Variants in INPP5D observed in about 807,000 individuals in gnomAD.
INPP5D encodes inositol polyphosphate-5-phosphatase D, also known as phosphatidylinositol 3,4,5-trisphosphate 5-phosphatase 1.
In INPP5D, 33 loss-of-function variants were observed where a neutral mutation model predicts 122.9. The observed-to-expected ratio is 0.27, with a 90% CI of 0.20 to 0.36. The LOEUF is 0.36. Ranked by LOEUF, INPP5D falls within the 10% of genes least tolerant of loss-of-function variation. The pLI, the probability that INPP5D is intolerant of heterozygous loss-of-function variation, is 1.00. For synonymous variants in INPP5D, 584 were observed against 576.2 expected (o/e 1.01, Z -0.19); for missense variants, 1,053 against 1,412.7 (o/e 0.75, Z 4.08).
At chr2:233,061,440 C>G (rs543147693) in intron 1 of INPP5D, among the ~76,000 whole-genome samples, 7 of 152,280 alleles carry the variant, frequency 4.6e-5, no homozygotes, top group African/African-American at 1.7e-4. Flanking sequence ...AGCTCTTGGT[C>G]TAATCATTTT....
intron 19 of INPP5D, among the ~76,000 whole-genome samples, 182 bp downstream of exon 19, chr2:233,182,681 C>T (rs1220574836): frequency 1.3e-5 from 2 of 152,078 alleles, no homozygotes; most frequent in Non-Finnish European, 2.9e-5. Flanking sequence ...AGAGAATTTA[C>T]TTGCTCTGCT....
Position 233,206,396 on chromosome 2 carries a change from A to G in INPP5D, c.3568-310A>G, listed in dbSNP as rs1158542043. The stretch of plus-strand genomic sequence containing the variant: ...ATGGTACGTACCTGGGTGTGGTGCC[A>G]TGCACCTGTAGTCCCAGCTACTGGG... On this transcript the variant is annotated intron_variant, in intron 26 of 26. Coordinates refer to ENST00000445964, the MANE Select transcript of INPP5D (RefSeq NM_001017915.3). The surrounding 1 kb of genome is among the most constrained non-coding windows in gnomAD (Gnocchi z 4.0). Among the ~76,000 whole-genome samples, 1 of 151,832 alleles carries G rather than the reference A, an allele frequency of 6.6e-6. No individual in the cohort carries two copies. The highest frequency in any genetic ancestry group is 2.4e-5 in the African/African-American group (1 of 41,332).
intron 3 of INPP5D, among the ~76,000 whole-genome samples, chr2:233,122,981 A>G (rs1187067257): frequency 6.6e-6 from 1 of 152,242 alleles, no homozygotes; most frequent in African/African-American, 2.4e-5. Flanking sequence ...ACATATTCAT[A>G]GTAAGCACTC....
rs140477150 is a variant in INPP5D, at chr2:233,103,555, G to A, written c.199-18552G>A. On this transcript the variant is annotated intron_variant, in intron 2 of 26. Transcript: ENST00000445964. Reference sequence around the variant, plus strand: ...CGGCAATCTTTCAGAGTCCAGGAGCGTAGAACTTAGAGGAAGGAACCTGAG... The same window carrying A: ...CGGCAATCTTTCAGAGTCCAGGAGCATAGAACTTAGAGGAAGGAACCTGAG... 2.7e-3 allele frequency among the ~76,000 whole-genome samples: 405 copies of A among 152,230 alleles called. 5 individuals are homozygous for A. The highest frequency in any genetic ancestry group is 8.8e-3 in the African/African-American group (364 of 41,546).
chr2:233,123,066 C>A (rs75148422), intron 3 of INPP5D, among the ~76,000 whole-genome samples: 1,578 of 152,148 alleles, frequency 0.01, 25 homozygotes, highest in African/African-American at 0.036. Context: ...AGGAGGAGAC[C>A]CTTGCACCTA....
intron 13 of INPP5D, 137 bp from the exon 14 acceptor site, chr2:233,169,168 C>T (rs1325874643): frequency 2.0e-5 from 26 of 1,330,100 alleles, no homozygotes; most frequent in Non-Finnish European, 2.6e-5. Context: ...GGCTCCCACC[C>T]TGCACGACCC....
At chr2:233,195,281 C>T (rs1695151389) in intron 23 of INPP5D, 118 bp from the exon 24 acceptor site, 5 of 1,494,984 alleles carry the variant, frequency 3.3e-6, no homozygotes, top group South Asian at 1.2e-5. Context: ...CTCACCTCTC[C>T]AGGTACTCAC....
At chr2:233,085,896 T>C (rs766424458) in intron 2 of INPP5D, among the ~76,000 whole-genome samples, 14 of 152,214 alleles carry the variant, frequency 9.2e-5, no homozygotes, top group Non-Finnish European at 1.3e-4. Flanking sequence ...TGTTTCTCCA[T>C]GTTCCAGAGC....
Position 233,177,292 on chromosome 2 carries a change from G to T in INPP5D, c.2017G>T (p.Asp673Tyr). 1.2e-6 allele frequency: 2 copies of T among 1,613,862 alleles called. No individual in the cohort carries two copies. Among genetic ancestry groups the T allele is most frequent in the South Asian group, 2.2e-5 (2 of 91,032 alleles). ...GMKYNLPSWC[D>Y]RVLWKSYPLV... is the part of the protein sequence containing the mutation. ...GAAGTACAACTTGCCTTCCTGGTGT[G>T]ACCGAGTCCTCTGGAAGTCTTATCC... Residue 673 changes from aspartate (D) to tyrosine (Y), a missense_variant, in exon 18 of 27, where the codon GAC (aspartate) becomes TAC (tyrosine). Coordinates refer to ENST00000445964, the MANE Select transcript of INPP5D (RefSeq NM_001017915.3). The surrounding 1 kb of genome is among the most constrained non-coding windows in gnomAD (Gnocchi z 4.2).
At chr2:233,070,485 G>C (rs1375386393) in intron 1 of INPP5D, among the ~76,000 whole-genome samples, 5 of 150,988 alleles carry the variant, frequency 3.3e-5, no homozygotes, top group Non-Finnish European at 7.4e-5. Context: ...CTGTCACCCA[G>C]GCTGGAGTGC....
chr2:233,101,225 G>A (rs1305549849), intron 2 of INPP5D, among the ~76,000 whole-genome samples: 6 of 152,104 alleles, frequency 3.9e-5, no homozygotes, highest in South Asian at 2.1e-4. Flanking sequence ...TATTTCTACC[G>A]TGGAGACACT....
At chr2:233,161,098 C>CT (rs1226247350) in intron 10 of INPP5D, among the ~76,000 whole-genome samples, 137 of 147,702 alleles carry the variant, frequency 9.3e-4, no homozygotes, top group East Asian at 2.2e-3. Flanking sequence ...GTCTAGAATA[C>CT]TTTTTTTTTT....
chr2:233,122,336 G>C, intron 3 of INPP5D, 79 bp downstream of exon 3: 2 of 1,448,324 alleles, frequency 1.4e-6, no homozygotes, highest in Admixed American at 4.1e-5. Context: ...TGTAGACTAG[G>C]TGAGTCCTAT....
At chr2:233,065,303 T>C (rs1199895507) in intron 1 of INPP5D, among the ~76,000 whole-genome samples, 2 of 127,408 alleles carry the variant, frequency 1.6e-5, no homozygotes, top group Non-Finnish European at 3.2e-5. Context: ...TCAGCACTTC[T>C]TGGGTTTTTT....
At chr2:233,180,222 C>G (rs565585273) in intron 18 of INPP5D, among the ~76,000 whole-genome samples, 3 of 152,182 alleles carry the variant, frequency 2.0e-5, no homozygotes, top group Admixed American at 2.0e-4. Flanking sequence ...TGGGAGGGGA[C>G]CACAGAGAGT....
In INPP5D at chr2:233,100,096, T is replaced by C. The variant is rs1692265112; in HGVS notation, c.198+20698T>C. Among the ~76,000 whole-genome samples, 2 of 152,148 alleles carry C rather than the reference T, an allele frequency of 1.3e-5. No homozygotes were observed. Among genetic ancestry groups the C allele is most frequent in the Admixed American group, 1.3e-4 (2 of 15,272 alleles). ...CACGTGGGAATTGTGGGAGTTACAA[T>C]TCAAGATGAGATTTGGGTGGGGACA... On this transcript the variant is annotated intron_variant, in intron 2 of 26. Transcript: ENST00000445964. This position sits in a 1 kb window ranked among gnomAD's most constrained non-coding sequence, Gnocchi z 5.3.
Position 233,193,913 on chromosome 2 carries a change from G to A in INPP5D, c.2548G>A (p.Glu850Lys), listed in dbSNP as rs1025838071. ...GGAGTTGACAGGCCACTTCCAGGGG[G>A]AGATCAAGCTGCAGACCTCTCAGGG... is the stretch of plus-strand genomic sequence containing the variant. ...HGELTGHFQG[E>K]IKLQTSQGKT... Residue 850 changes from glutamate to lysine, a missense_variant, in exon 23 of 27, where the codon GAG becomes AAG. This residue lies in a region of INPP5D where 258 missense variants were observed against 439.1 expected (regional missense o/e 0.59). Coordinates refer to ENST00000445964, the MANE Select transcript of INPP5D (RefSeq NM_001017915.3). The A allele has an allele frequency of 6.2e-7, 1 of 1,613,552 alleles. No individual in the cohort carries two copies. Among genetic ancestry groups the A allele is most frequent in the Non-Finnish European group, 8.5e-7 (1 of 1,179,646 alleles).
At chr2:233,070,582 C>T (rs1181387542) in intron 1 of INPP5D, among the ~76,000 whole-genome samples, 3 of 152,110 alleles carry the variant, frequency 2.0e-5, no homozygotes, top group African/African-American at 4.8e-5. Context: ...GCTGGGATTA[C>T]AGGCTCCCGC....
chr2:233,130,693 G>C, intron 5 of INPP5D, 45 bp downstream of exon 5: 1 of 1,609,538 alleles, frequency 6.2e-7, no homozygotes, highest in Non-Finnish European at 8.5e-7. Flanking sequence ...GCGGCCACCA[G>C]GTGAGAGAAA....
Sources: allele counts gnomAD v4.1 joint callset (sites outside exome capture counted in the v4.1 genomes callset), GRCh38; gene constraint gnomAD v4.1.1; regional missense constraint gnomAD v4.1.1; non-coding constraint Gnocchi (gnomAD v3.1); transcripts MANE v1.5; gene names NCBI Gene and HGNC (gene_info 2026-07-23, HGNC 2026-07-21).